Variants in BCAS3 observed in about 807,000 individuals in gnomAD.
BCAS3 encodes BCAS3 microtubule associated cell migration factor.
Under a neutral mutation model 116.1 loss-of-function variants are expected in BCAS3, and 53 were observed. The ratio of observed to expected loss-of-function variants is 0.46; its 90% confidence interval spans 0.37 to 0.57. The LOEUF is 0.57. BCAS3 is among the 20% of genes least tolerant of loss of function. The pLI, the probability that BCAS3 is intolerant of heterozygous loss-of-function variation, is 0.00. For missense variants in BCAS3, 917 were observed against 1,165.4 expected (o/e 0.79, Z 3.10); for synonymous variants, 391 against 408.2 (o/e 0.96, Z 0.51).
At chr17:61,293,102 AT>A (rs1171062255) in intron 22 of BCAS3, among the ~76,000 whole-genome samples, 1 of 152,142 alleles carries the variant, frequency 6.6e-6, no homozygotes, top group African/African-American at 2.4e-5. Context: ...CAACCAGCAC[AT>A]TTCTTCTGTG....
At chr17:61,269,936 T>C (rs1379290255) in intron 22 of BCAS3, among the ~76,000 whole-genome samples, 3 of 151,866 alleles carry the variant, frequency 2.0e-5, no homozygotes. Context: ...CCTAGGTAGC[T>C]GAGATTACAG....
At chr17:61,142,042 T>C (rs1292030360) in intron 22 of BCAS3, among the ~76,000 whole-genome samples, 1 of 152,188 alleles carries the variant, frequency 6.6e-6, no homozygotes, top group African/African-American at 2.4e-5. Flanking sequence ...CCCAGATATA[T>C]ACACCTTCTC....
Position 61,074,916 on chromosome 17 carries a change from A to C in BCAS3, c.2030-4A>C, listed in dbSNP as rs767394065. On this transcript the variant is annotated splice_region_variant and splice_polypyrimidine_tract_variant and intron_variant, in intron 19 of 23. Transcript: ENST00000407086. ...GGTTTAAATCTATTTTCTTTCTCCTATAGTGGTTCCCCCTGGAAGTCCTGG... is the reference window on the plus strand; with the variant it reads ...GGTTTAAATCTATTTTCTTTCTCCTCTAGTGGTTCCCCCTGGAAGTCCTGG... The C allele has an allele frequency of 6.2e-7, 1 of 1,604,456 alleles. No individual in the cohort carries two copies. Among genetic ancestry groups the C allele is most frequent in the African/African-American group, 1.3e-5 (1 of 74,814 alleles).
chr17:60,714,986 C>G lies in BCAS3; in HGVS notation c.321+5661C>G, dbSNP rs576689310. Among the ~76,000 whole-genome samples the G allele has an allele frequency of 1.5e-4, 23 of 152,154 alleles. No individual in the cohort carries two copies. In the South Asian group the frequency reaches 4.4e-3, roughly 29 times the overall value. ...CAACCATCCCTAACAATGTTATTGACTCTTTTTTGGTGAGGTAAATATAGG... is the reference window on the plus strand; with the variant it reads ...CAACCATCCCTAACAATGTTATTGAGTCTTTTTTGGTGAGGTAAATATAGG... On this transcript the variant is annotated intron_variant, in intron 5 of 23. Transcript: ENST00000407086.
At chr17:60,760,020 A>G (rs2043363369) in intron 6 of BCAS3, among the ~76,000 whole-genome samples, 1 of 152,130 alleles carries the variant, frequency 6.6e-6, no homozygotes, top group South Asian at 2.1e-4. Context: ...TTTAGTTTCT[A>G]TTTGGATGGA....
chr17:60,982,056 A>G (rs1421884891), intron 14 of BCAS3, among the ~76,000 whole-genome samples: 3 of 152,198 alleles, frequency 2.0e-5, no homozygotes, highest in Non-Finnish European at 4.4e-5. Flanking sequence ...ATATATATAA[A>G]TGGATAGATA....
chr17:61,128,350 C>G lies in BCAS3; in HGVS notation c.2425+43786C>G, dbSNP rs1211540673. The G allele has an allele frequency of 1.0e-6, 1 of 985,270 alleles. No individual in the cohort carries two copies. The highest frequency in any genetic ancestry group is 1.2e-6 in the Non-Finnish European group (1 of 829,928). The allele number at this position is 985,270 out of a possible 1,614,324, so 61.0% of individuals were successfully genotyped here. ...TGCAGAGCTCCATTCCAGTTCCTTT[C>G]TTATTTGTTTGATGTACAGGCTTAT... On this transcript the variant is annotated intron_variant, in intron 22 of 23. Coordinates refer to ENST00000407086, the MANE Select transcript of BCAS3 (RefSeq NM_017679.5). This position sits in a 1 kb window ranked among gnomAD's most constrained non-coding sequence, Gnocchi z 4.1.
intron 22 of BCAS3, among the ~76,000 whole-genome samples, chr17:61,123,637 T>TGG (rs2075907171): frequency 6.7e-6 from 1 of 150,198 alleles, no homozygotes. Flanking sequence ...TGGGGGGGAG[T>TGG]GGGGGTACTC....
rs1375323995 is a variant in BCAS3 at position 61,113,937 on chromosome 17, C to T, written c.2425+29373C>T. 2.2e-3 allele frequency among the ~76,000 whole-genome samples: 270 copies of T among 120,750 alleles called. 4 individuals carry two copies. The highest frequency in any genetic ancestry group is 4.9e-3 in the African/African-American group (159 of 32,532). The allele number at this position is 120,750 out of a possible 152,430, so 79.2% of individuals were successfully genotyped here. A position where few individuals can be genotyped will look rare whatever the true frequency, so the allele number is the denominator to read the frequency against. On this transcript the variant is annotated intron_variant, in intron 22 of 23. Transcript: ENST00000407086. ...TGGGATGCAAGGCTGGTTCAATATA[C>T]GCAAATCAATAAATGTAATCCAGCA...
At chr17:60,831,736 G>GTGGGT (rs1312367686) in intron 7 of BCAS3, among the ~76,000 whole-genome samples, 1 of 151,040 alleles carries the variant, frequency 6.6e-6, no homozygotes, top group Non-Finnish European at 1.5e-5. Flanking sequence ...CTCTTTGGCG[G>GTGGGT]TGGGTTTTTT....
At position 60,709,275 on chromosome 17, in the gene BCAS3, T is replaced by A; in HGVS notation, c.271T>A (p.Leu91Met). 3.1e-6 allele frequency: 5 copies of A among 1,602,984 alleles called. No homozygotes were observed. The highest frequency in any genetic ancestry group is 4.3e-6 in the Non-Finnish European group (5 of 1,169,792). Residue 91 changes from leucine (L) to methionine (M), a missense_variant, in exon 5 of 24, where the codon TTG becomes ATG. Physicochemically the swap from Leu to Met is conservative, Grantham distance 15 (BLOSUM62 2). This residue lies in a region of BCAS3 where 807 missense variants were observed against 1,026.0 expected (regional missense o/e 0.79). Transcript: ENST00000407086. ...EIHSTGNEPPLLIMIGYSDGM... is the reference protein window; with the variant it reads ...EIHSTGNEPPMLIMIGYSDGM... ...ACATAGTACTGGGAATGAACCGCCTTTGTTGATTATGATTGGCTACAGTGA... is the reference window on the plus strand; with the variant it reads ...ACATAGTACTGGGAATGAACCGCCTATGTTGATTATGATTGGCTACAGTGA...
chr17:60,714,327 G>T (rs975941660), intron 5 of BCAS3, among the ~76,000 whole-genome samples: 1 of 151,978 alleles, frequency 6.6e-6, no homozygotes, highest in Non-Finnish European at 1.5e-5. Flanking sequence ...CCAAACCTTA[G>T]CTTAGTTTTT....
chr17:60,831,115 GT>G (rs2050880908), intron 7 of BCAS3, among the ~76,000 whole-genome samples: 1 of 151,964 alleles, frequency 6.6e-6, no homozygotes, highest in South Asian at 2.1e-4. Flanking sequence ...GCCTCCCTAA[GT>G]GCTGTGATTA....
At chr17:60,966,476 C>A (rs1285547115) in intron 14 of BCAS3, among the ~76,000 whole-genome samples, 1 of 151,966 alleles carries the variant, frequency 6.6e-6, no homozygotes, top group Non-Finnish European at 1.5e-5. Context: ...GAGTCTGTTA[C>A]AGGATTTTGT....
chr17:60,975,001 T>TG (rs1422462565), intron 14 of BCAS3, among the ~76,000 whole-genome samples: 8 of 148,056 alleles, frequency 5.4e-5, no homozygotes, highest in African/African-American at 2.0e-4. Flanking sequence ...GCTTTTTTGT[T>TG]TTTTTTTTTT....
chr17:60,855,892 G>A (rs1365545549), intron 7 of BCAS3, among the ~76,000 whole-genome samples: 2 of 152,076 alleles, frequency 1.3e-5, no homozygotes, highest in Admixed American at 6.5e-5. Context: ...ATGTTGTCAA[G>A]GCTGGTCTCG....
At chr17:60,708,864 G>A (rs956013539) in intron 4 of BCAS3, among the ~76,000 whole-genome samples, 3 of 152,056 alleles carry the variant, frequency 2.0e-5, no homozygotes, top group Admixed American at 6.6e-5. Context: ...TTGCTGTGTT[G>A]CCTAGGCTGG....
chr17:61,356,589 A>G lies in BCAS3; in HGVS notation c.2426-11738A>G, dbSNP rs2058151890. On this transcript the variant is annotated intron_variant, in intron 22 of 23. Transcript: ENST00000407086. The surrounding 1 kb of genome is among the most constrained non-coding windows in gnomAD (Gnocchi z 5.4). ...CTCATGATGTGTGAGGGCCTCAGCC[A>G]TTTCTTGACAGTCATGAAAAGGTGT... is the stretch of plus-strand genomic sequence containing the variant. Among the ~76,000 whole-genome samples the G allele has an allele frequency of 6.6e-6, 1 of 152,086 alleles. No homozygotes were observed. The highest frequency in any genetic ancestry group is 2.1e-4 in the South Asian group (1 of 4,830).
Position 61,241,606 on chromosome 17 carries a change from C to T in BCAS3, c.2426-126721C>T, listed in dbSNP as rs2047525195. 3.3e-5 allele frequency among the ~76,000 whole-genome samples: 5 copies of T among 151,996 alleles called. No individual in the cohort carries two copies. The South Asian group carries it at 1.0e-3, about 32-fold the overall frequency. On this transcript the variant is annotated intron_variant, in intron 22 of 23. Transcript: ENST00000407086. This position sits in a 1 kb window ranked among gnomAD's most constrained non-coding sequence, Gnocchi z 4.6. ...TGGTGGCGGGTGCCTGTAGTCCCAG[C>T]TACTCGGGAGGATGAGGCAGGAAAA...
Sources: allele counts gnomAD v4.1 joint callset (sites outside exome capture counted in the v4.1 genomes callset), GRCh38; gene constraint gnomAD v4.1.1; regional missense constraint gnomAD v4.1.1; non-coding constraint Gnocchi (gnomAD v3.1); transcripts MANE v1.5; gene names NCBI Gene and HGNC (gene_info 2026-07-23, HGNC 2026-07-21).